The following SH3GL3 variants were observed in gnomAD, a reference collection of about 807,000 sequenced individuals.
The protein encoded by SH3GL3 is endophilin-A3.
SH3GL3 carries 33 observed loss-of-function variants against 47.7 expected under a neutral mutation model. The observed-to-expected ratio is 0.69, with a 90% CI of 0.52 to 0.92. The LOEUF is 0.92. SH3GL3 is among the 40% of genes least tolerant of loss of function. The pLI is 0.00. For missense variants in SH3GL3, 363 were observed against 417.8 expected (o/e 0.87, Z 1.14); for synonymous variants, 155 against 148.8 (o/e 1.04, Z -0.30).
At chr15:83,523,154 A>G (rs1041467677) in intron 1 of SH3GL3, among the ~76,000 whole-genome samples, 3 of 152,096 alleles carry the variant, frequency 2.0e-5, no homozygotes, top group African/African-American at 4.8e-5. Context: ...GAAAAGAATA[A>G]CATTTATTTC....
intron 8 of SH3GL3, among the ~76,000 whole-genome samples, chr15:83,616,775 G>A (rs1418038603): frequency 6.6e-6 from 1 of 151,704 alleles, no homozygotes; most frequent in African/African-American, 2.4e-5. Context: ...GAAAAAGGAA[G>A]AGAAATCGAG....
chr15:83,506,503 G>A (rs1424941499), intron 1 of SH3GL3, among the ~76,000 whole-genome samples: 1 of 152,118 alleles, frequency 6.6e-6, no homozygotes, highest in African/African-American at 2.4e-5. Flanking sequence ...GCCTGCTCCT[G>A]CACGTTACTC....
chr15:83,605,001 A>T (rs2060477614), intron 8 of SH3GL3, among the ~76,000 whole-genome samples: 1 of 152,214 alleles, frequency 6.6e-6, no homozygotes, highest in Non-Finnish European at 1.5e-5. Flanking sequence ...GAGGACAGTG[A>T]GGTCTTTGGC....
chr15:83,605,386 C>T (rs1441117637), intron 8 of SH3GL3, among the ~76,000 whole-genome samples: 2 of 152,090 alleles, frequency 1.3e-5, no homozygotes, highest in Admixed American at 6.5e-5. Context: ...TTATAGCCTG[C>T]ATTAATGGGA....
chr15:83,611,905 G>C (rs541734341), intron 8 of SH3GL3, among the ~76,000 whole-genome samples: 1 of 132,636 alleles, frequency 7.5e-6, no homozygotes, highest in South Asian at 3.7e-4. Context: ...CTGTCCCTCA[G>C]GCGGGCAGCA....
chr15:83,496,066 A>G (rs2042064555), intron 1 of SH3GL3, among the ~76,000 whole-genome samples: 1 of 152,142 alleles, frequency 6.6e-6, no homozygotes, highest in Non-Finnish European at 1.5e-5. Flanking sequence ...AATGTCATTA[A>G]AAAACCCACT....
chr15:83,578,459 A>C (rs1329148271), intron 6 of SH3GL3, among the ~76,000 whole-genome samples: 1 of 152,230 alleles, frequency 6.6e-6, no homozygotes, highest in African/African-American at 2.4e-5. Context: ...CTGAGGTCTT[A>C]CATCCTTTGA....
At chr15:83,450,801 T>A (rs1225538863) in intron 1 of SH3GL3, among the ~76,000 whole-genome samples, 10 of 25,440 alleles carry the variant, frequency 3.9e-4, no homozygotes, top group Non-Finnish European at 9.8e-4. Context: ...TTTTTTTTTT[T>A]TAATTTTTTT....
In SH3GL3 at chr15:83,531,267, C is replaced by A. The variant is rs76416405; in HGVS notation, c.46-27986C>A. 2.8e-4 allele frequency among the ~76,000 whole-genome samples: 43 copies of A among 152,300 alleles called. No individual in the cohort carries two copies. The East Asian group carries it at 8.1e-3, about 29-fold the overall frequency. ...TCATAGGCCACTGTGGGAAGCACAT[C>A]AATAAATTTCAGCGCAGAATGGTTA... On this transcript the variant is annotated intron_variant, in intron 1 of 8. Transcript: ENST00000427482.
At chr15:83,489,875 A>ATAGC (rs1395115794) in intron 1 of SH3GL3, among the ~76,000 whole-genome samples, 1 of 127,564 alleles carries the variant, frequency 7.8e-6, no homozygotes, top group Non-Finnish European at 1.7e-5. Context: ...AGATAGATAG[A>ATAGC]TAGATAGATA....
chr15:83,479,331 ATGTG>A (rs149147202), intron 1 of SH3GL3, among the ~76,000 whole-genome samples: 1 of 149,464 alleles, frequency 6.7e-6, no homozygotes, highest in Non-Finnish European at 1.5e-5. Context: ...GAGCGTGTGC[ATGTG>A]TGTGTGTGTG....
At chr15:83,624,614 A>G in the SH3GL3 span, among the ~76,000 whole-genome samples, 6 of 152,178 alleles carry the variant, frequency 3.9e-5, no homozygotes, top group African/African-American at 1.4e-4. Flanking sequence ...GTGTTTTAAG[A>G]TGCTGAATTA....
At chr15:83,544,694 A>G (rs1490188007) in intron 1 of SH3GL3, among the ~76,000 whole-genome samples, 1 of 152,140 alleles carries the variant, frequency 6.6e-6, no homozygotes, top group African/African-American at 2.4e-5. Context: ...AAAAGCTCCC[A>G]TTAGCATAGG....
chr15:83,503,175 AC>A (rs929604008), intron 1 of SH3GL3, among the ~76,000 whole-genome samples: 18 of 152,340 alleles, frequency 1.2e-4, no homozygotes, highest in Middle Eastern at 3.4e-3. Context: ...AAAGAAAAAA[AC>A]ATTATAAAAT....
At chr15:83,613,759 GAGCAAGGT>G (rs1330465908) in intron 8 of SH3GL3, among the ~76,000 whole-genome samples, 1 of 152,112 alleles carries the variant, frequency 6.6e-6, no homozygotes, top group Non-Finnish European at 1.5e-5. Flanking sequence ...AGGTGACATG[GAGCAAGGT>G]AGCTGATGGC....
chr15:83,479,902 A>G (rs977696652), intron 1 of SH3GL3, among the ~76,000 whole-genome samples: 3 of 152,138 alleles, frequency 2.0e-5, no homozygotes, highest in Non-Finnish European at 4.4e-5. Context: ...TCCTTCCCAG[A>G]CTTGTGATGG....
At chr15:83,568,092 C>T (rs943265282) in intron 3 of SH3GL3, among the ~76,000 whole-genome samples, 4 of 151,796 alleles carry the variant, frequency 2.6e-5, no homozygotes, top group Non-Finnish European at 4.4e-5. Context: ...AAGCAATTCT[C>T]CTGCCTCAGC....
chr15:83,467,304 G>A (rs935008186), intron 1 of SH3GL3, among the ~76,000 whole-genome samples: 21 of 152,264 alleles, frequency 1.4e-4, no homozygotes, highest in South Asian at 2.1e-4. Context: ...TCCCTCCTCC[G>A]TTGAATTGCT....
chr15:83,503,805 ATTTTAAGGACT>A (rs1253633640), intron 1 of SH3GL3, among the ~76,000 whole-genome samples: 1 of 152,232 alleles, frequency 6.6e-6, no homozygotes, highest in Non-Finnish European at 1.5e-5. Flanking sequence ...AGCACTGGAT[ATTTTAAGGACT>A]TTTGTTATGC....
Sources: gnomAD v4.1 joint callset for allele counts (sites outside exome capture counted in the v4.1 genomes callset) on GRCh38, gnomAD v4.1.1 for gene constraint, MANE v1.5 for transcripts, NCBI Gene and HGNC (gene_info 2026-07-23, HGNC 2026-07-21) for gene names.